The following RIMS2 variants were observed in gnomAD, a reference collection of about 807,000 sequenced individuals.
RIMS2 encodes the protein regulating synaptic membrane exocytosis 2.
A neutral mutation model predicts 174.4 loss-of-function variants in RIMS2; 59 were observed. The observed-to-expected ratio is 0.34, with a 90% CI of 0.27 to 0.42. RIMS2 has a LOEUF of 0.42. RIMS2 is among the 10% of genes least tolerant of loss of function. RIMS2 has a pLI of 1.00. For synonymous variants in RIMS2, 606 were observed against 572.5 expected (o/e 1.06, Z -0.84); for missense variants, 1,620 against 1,666.3 (o/e 0.97, Z 0.48).
intron 19 of RIMS2, among the ~76,000 whole-genome samples, chr8:104,092,357 C>T (rs1028103043): frequency 4.6e-5 from 7 of 151,676 alleles, no homozygotes; most frequent in Admixed American, 2.6e-4. Flanking sequence ...GAAAATTCTC[C>T]TTTGCAAAAT....
intron 19 of RIMS2, among the ~76,000 whole-genome samples, chr8:104,234,475 T>G (rs1408332196): frequency 2.0e-5 from 3 of 151,256 alleles, no homozygotes; most frequent in African/African-American, 7.3e-5. Context: ...TCTAAGTAGT[T>G]TAACTGTGGA....
intron 2 of RIMS2, among the ~76,000 whole-genome samples, chr8:103,748,449 T>C (rs2097847741): frequency 6.6e-6 from 1 of 151,814 alleles, no homozygotes; most frequent in African/African-American, 2.4e-5. Flanking sequence ...CCGTCTCAAA[T>C]ACATACATAC....
At chr8:104,011,956 G>C (rs980239312) in intron 17 of RIMS2, among the ~76,000 whole-genome samples, 7 of 152,064 alleles carry the variant, frequency 4.6e-5, no homozygotes, top group Non-Finnish European at 8.8e-5. Context: ...GTAAAGAAAA[G>C]TGTTCCTTTA....
chr8:103,648,235 A>AT (rs1379209759), intron 1 of RIMS2, among the ~76,000 whole-genome samples: 1 of 151,794 alleles, frequency 6.6e-6, no homozygotes, highest in African/African-American at 2.4e-5. Flanking sequence ...TTCTTCAGTG[A>AT]TTTTCTTAAT....
intron 19 of RIMS2, chr8:104,015,365 G>A (rs1301730749): frequency 1.5e-6 from 1 of 652,416 alleles, no homozygotes; most frequent in Non-Finnish European, 2.7e-6. Flanking sequence ...CTGTGCTTTG[G>A]TTCCCTTTTT....
chr8:103,988,752 A>T (rs190215487), intron 16 of RIMS2, among the ~76,000 whole-genome samples: 51 of 152,164 alleles, frequency 3.4e-4, no homozygotes, highest in African/African-American at 1.2e-3. Flanking sequence ...GAGCCACCAC[A>T]CCCAGCCTAG....
chr8:103,649,568 C>A (rs2135780641), intron 1 of RIMS2, among the ~76,000 whole-genome samples: 1 of 151,898 alleles, frequency 6.6e-6, no homozygotes, highest in African/African-American at 2.4e-5. Context: ...CCATCTCTTT[C>A]AGGTACCCTA....
chr8:104,251,645 T>C (rs1396890357), exon 24 of RIMS2: 1 of 1,611,696 alleles, frequency 6.2e-7, no homozygotes, highest in Admixed American at 1.7e-5. Flanking sequence ...CACAAATCTT[T>C]TATGGGAGTG....
intron 19 of RIMS2, among the ~76,000 whole-genome samples, chr8:104,080,058 T>C (rs2097383911): frequency 6.6e-6 from 1 of 152,078 alleles, no homozygotes; most frequent in Admixed American, 6.6e-5. Context: ...CATACAATTA[T>C]TGATTTCCAT....
intron 1 of RIMS2, among the ~76,000 whole-genome samples, chr8:103,696,499 T>C (rs953311984): frequency 6.6e-6 from 1 of 152,180 alleles, no homozygotes; most frequent in Non-Finnish European, 1.5e-5. Context: ...AAATGGAAGA[T>C]AGAAATTTAG....
At chr8:103,894,251 T>C (rs2099264546) in intron 4 of RIMS2, among the ~76,000 whole-genome samples, 1 of 149,184 alleles carries the variant, frequency 6.7e-6, no homozygotes, top group Non-Finnish European at 1.5e-5. Flanking sequence ...CTTTACTTGG[T>C]GTCAAAAGTT....
intron 4 of RIMS2, among the ~76,000 whole-genome samples, chr8:103,886,498 C>A (rs1331232159): frequency 6.6e-6 from 1 of 151,746 alleles, no homozygotes; most frequent in African/African-American, 2.4e-5. Flanking sequence ...CAGCATATTT[C>A]AAAAATATCC....
At chr8:104,101,150 A>G (rs2097889998) in intron 19 of RIMS2, among the ~76,000 whole-genome samples, 1 of 148,702 alleles carries the variant, frequency 6.7e-6, no homozygotes, top group South Asian at 2.1e-4. Flanking sequence ...TATTTGAGAC[A>G]GGGTCTCACT....
intron 1 of RIMS2, among the ~76,000 whole-genome samples, chr8:103,672,008 T>C (rs2096750705): frequency 6.6e-6 from 1 of 152,252 alleles, no homozygotes; most frequent in Admixed American, 6.5e-5. Context: ...AAGTTTGATT[T>C]TGGGAAACAT....
chr8:103,637,145 C>T (rs1564113336), intron 1 of RIMS2, among the ~76,000 whole-genome samples: 1 of 152,140 alleles, frequency 6.6e-6, no homozygotes, highest in Non-Finnish European at 1.5e-5. Flanking sequence ...GATGTTTATC[C>T]AGATTTGCCT....
At chr8:104,141,938 A>G (rs2098581023) in intron 19 of RIMS2, among the ~76,000 whole-genome samples, 1 of 152,094 alleles carries the variant, frequency 6.6e-6, no homozygotes, top group Non-Finnish European at 1.5e-5. Flanking sequence ...TCACTATCTA[A>G]AATTATCAAT....
intron 19 of RIMS2, among the ~76,000 whole-genome samples, chr8:104,074,305 T>C (rs2097251767): frequency 6.6e-6 from 1 of 151,994 alleles, no homozygotes; most frequent in African/African-American, 2.4e-5. Flanking sequence ...TTGGGGTAGG[T>C]TTAACCTCAC....
intron 19 of RIMS2, among the ~76,000 whole-genome samples, chr8:104,101,683 A>G (rs2097905996): frequency 1.3e-5 from 2 of 152,174 alleles, no homozygotes; most frequent in African/African-American, 2.4e-5. Flanking sequence ...AGGAGTACCT[A>G]AAATCTACTC....
chr8:103,568,402 A>T (rs904968033), intron 1 of RIMS2, among the ~76,000 whole-genome samples: 1 of 152,236 alleles, frequency 6.6e-6, no homozygotes, highest in Non-Finnish European at 1.5e-5. Context: ...AAAATTGGAG[A>T]TTATTAAAAG....
Sources: gnomAD v4.1 joint callset for allele counts (sites outside exome capture counted in the v4.1 genomes callset) on GRCh38, gnomAD v4.1.1 for gene constraint, MANE v1.5 for transcripts, NCBI Gene and HGNC (gene_info 2026-07-23, HGNC 2026-07-21) for gene names.